NDUFA10: variants seen among roughly 807,000 people sequenced by gnomAD.
NDUFA10 encodes the protein NADH:ubiquinone oxidoreductase subunit A10, also known as NADH dehydrogenase [ubiquinone] 1 alpha subcomplex subunit 10, mitochondrial.
A neutral mutation model predicts 47.8 loss-of-function variants in NDUFA10; 40 were observed. That is an observed-to-expected ratio of 0.84 (90% CI 0.65 to 1.09). The LOEUF (loss-of-function observed/expected upper bound fraction) is 1.09. Ranked by LOEUF, NDUFA10 falls within the 50% of genes least tolerant of loss-of-function variation. The pLI is 0.00. For missense variants in NDUFA10, 413 were observed against 451.1 expected (o/e 0.92, Z 0.76); for synonymous variants, 183 against 172.2 (o/e 1.06, Z -0.49).
chr2:239,990,731 T>C (rs753815302), intron 8 of NDUFA10, among the ~76,000 whole-genome samples: 21 of 152,218 alleles, frequency 1.4e-4, no homozygotes, highest in Non-Finnish European at 2.5e-4. Flanking sequence ...ATTCTCCACT[T>C]TTCTTGGCAC....
chr2:239,911,670 A>AGTGTGTATGTGT (rs1553554444), intron 4 of NDUFA10, among the ~76,000 whole-genome samples: 1 of 146,536 alleles, frequency 6.8e-6, no homozygotes, highest in Non-Finnish European at 1.5e-5. Flanking sequence ...AACATGAGAG[A>AGTGTGTATGTGT]GTGTGTGTGC....
rs80102191 is a variant in NDUFA10, at chr2:239,985,443, T to G, written c.999+4631A>C. On this transcript the variant is annotated intron_variant, in intron 9 of 9. Transcript: ENST00000252711. ...GATGATTAGTAACTTGAAAGGCAGT[T>G]TAGAAGAACACATCTAGGCTGATGC... Among the ~76,000 whole-genome samples, 237 of 151,628 alleles carry G rather than the reference T, an allele frequency of 1.6e-3. 1 individual carries two copies. The East Asian group carries it at 0.017, about 11-fold the overall frequency.
intron 9 of NDUFA10, among the ~76,000 whole-genome samples, chr2:239,985,631 G>A (rs1245224515): frequency 6.6e-6 from 1 of 152,162 alleles, no homozygotes; most frequent in Non-Finnish European, 1.5e-5. Flanking sequence ...CGCCAAGGCA[G>A]ACAGAAAATG....
intron 4 of NDUFA10, among the ~76,000 whole-genome samples, chr2:239,915,295 CAGAG>C (rs559886509): frequency 2.3e-4 from 33 of 144,880 alleles, no homozygotes; most frequent in South Asian, 4.4e-4. Flanking sequence ...CAGACACAGA[CAGAG>C]AGACAGAGAT....
intron 4 of NDUFA10, among the ~76,000 whole-genome samples, chr2:239,937,903 C>T (rs74771290): frequency 0.031 from 4,710 of 152,264 alleles, 239 homozygotes; most frequent in African/African-American, 0.11. Flanking sequence ...TAACACACCT[C>T]ACAGCTGATC....
Position 240,005,132 on chromosome 2 carries a change from T to C in NDUFA10, c.890+78A>G. 5.4e-6 allele frequency: 7 copies of C among 1,287,392 alleles called. No individual in the cohort carries two copies. The Admixed American group carries it at 6.7e-5, about 12-fold the overall frequency. 79.7% of individuals were successfully genotyped at this position (1,287,392 alleles called of 1,614,324 possible). On this transcript the variant is annotated intron_variant, in intron 8 of 9. Transcript: ENST00000252711. ...GCTAACACCTAACTTGAAACATAAT[T>C]ATTTCAAACTTCCCTAAGTTTCCCC...
rs1442584661 is a variant in NDUFA10, at chr2:239,987,171, G to C, written c.999+2903C>G. ...CCTATGGATTGGACAGCAGTAACGT[G>C]TGATGCTCATGAAGAGGGCCTGTGG... On this transcript the variant is annotated intron_variant, in intron 9 of 9. Coordinates refer to ENST00000252711, the MANE Select transcript of NDUFA10 (RefSeq NM_004544.4). This position sits in a 1 kb window ranked among gnomAD's most constrained non-coding sequence, Gnocchi z 4.8. Among the ~76,000 whole-genome samples the C allele has an allele frequency of 6.6e-6, 1 of 152,138 alleles. No individual in the cohort carries two copies. Among genetic ancestry groups the C allele is most frequent in the Non-Finnish European group, 1.5e-5 (1 of 68,032 alleles).
chr2:239,999,106 G>T (rs1291469018), intron 8 of NDUFA10, among the ~76,000 whole-genome samples: 4 of 152,082 alleles, frequency 2.6e-5, no homozygotes, highest in African/African-American at 9.7e-5. Context: ...ACAGAAGCGG[G>T]GACTCCAGGA....
intron 3 of NDUFA10, 94 bp downstream of exon 3, chr2:240,021,102 TA>T: frequency 9.5e-7 from 1 of 1,049,022 alleles, no homozygotes; most frequent in Non-Finnish European, 1.4e-6. Flanking sequence ...CAAACACCCT[TA>T]AAGGAAAGCT....
At position 240,002,512 on chromosome 2, in the gene NDUFA10, G is replaced by T. The variant is rs140562796; in HGVS notation, c.890+2698C>A. 8.4e-3 allele frequency among the ~76,000 whole-genome samples: 1,276 copies of T among 152,110 alleles called. 16 individuals carry two copies. Among genetic ancestry groups the T allele is most frequent in the African/African-American group, 0.029 (1,217 of 41,456 alleles). Reference sequence around the variant, plus strand: ...AGTCAGTATATGGAATATAATATATGAAATTTATATTTGTTTTTTCCTTCA... The same window carrying T: ...AGTCAGTATATGGAATATAATATATTAAATTTATATTTGTTTTTTCCTTCA... On this transcript the variant is annotated intron_variant, in intron 8 of 9. Coordinates refer to ENST00000252711, the MANE Select transcript of NDUFA10 (RefSeq NM_004544.4).
intron 9 of NDUFA10, among the ~76,000 whole-genome samples, chr2:239,978,205 T>C (rs1695606831): frequency 6.6e-6 from 1 of 152,176 alleles, no homozygotes; most frequent in Non-Finnish European, 1.5e-5. Flanking sequence ...ACTTACCCTT[T>C]TGCCTATAAA....
intron 9 of NDUFA10, among the ~76,000 whole-genome samples, chr2:239,970,259 G>A (rs940564364): frequency 6.6e-6 from 1 of 151,896 alleles, no homozygotes; most frequent in African/African-American, 2.4e-5. Flanking sequence ...TTTATGTGTT[G>A]GAGGGGAAAA....
chr2:239,914,876 C>T (rs1693822696), intron 4 of NDUFA10, among the ~76,000 whole-genome samples: 1 of 109,428 alleles, frequency 9.1e-6, no homozygotes, highest in African/African-American at 3.7e-5. Context: ...TACAGAGATA[C>T]TCACACAAAC....
chr2:239,897,760 G>A (rs1693424358), intron 4 of NDUFA10, among the ~76,000 whole-genome samples: 1 of 152,172 alleles, frequency 6.6e-6, no homozygotes, highest in African/African-American at 2.4e-5. Context: ...GGGAGGCCCT[G>A]AAGACTGATG....
chr2:239,990,260 T>G (rs1426744917), intron 8 of NDUFA10, 78 bp from the exon 9 acceptor site: 1 of 1,166,316 alleles, frequency 8.6e-7, no homozygotes, highest in Non-Finnish European at 1.3e-6. Flanking sequence ...CCGATTTTTT[T>G]TAAACATCCA....
intron 8 of NDUFA10, among the ~76,000 whole-genome samples, chr2:239,995,489 A>G (rs1330587288): frequency 6.6e-6 from 1 of 152,242 alleles, no homozygotes; most frequent in Non-Finnish European, 1.5e-5. Context: ...AAAAGATAAA[A>G]GAGAATCTTA....
At chr2:239,924,677 A>G (rs1340703331) in intron 4 of NDUFA10, among the ~76,000 whole-genome samples, 4 of 152,150 alleles carry the variant, frequency 2.6e-5, no homozygotes, top group Admixed American at 1.3e-4. Flanking sequence ...TACCACTCCT[A>G]TTCAATGTAG....
chr2:239,969,410 G>T, intron 9 of NDUFA10: 1 of 225,440 alleles, frequency 4.4e-6, no homozygotes, highest in Non-Finnish European at 8.8e-6. Context: ...AGGAAAGTGT[G>T]CTCCTCTGCA....
intron 2 of NDUFA10, among the ~76,000 whole-genome samples, chr2:240,021,897 G>GTGCCCTGCTTACAC (rs1347394384): frequency 6.6e-6 from 1 of 152,200 alleles, no homozygotes; most frequent in Non-Finnish European, 1.5e-5. Context: ...TTATGTGGAA[G>GTGCCCTGCTTACAC]TGCCCTGCTT....
Sources: gnomAD v4.1 joint callset for allele counts (sites outside exome capture counted in the v4.1 genomes callset) on GRCh38, gnomAD v4.1.1 for gene constraint, Gnocchi (gnomAD v3.1) non-coding constraint, MANE v1.5 for transcripts, NCBI Gene and HGNC (gene_info 2026-07-23, HGNC 2026-07-21) for gene names.